Variants in TMEM117 observed in about 807,000 individuals in gnomAD.
The protein encoded by TMEM117 is transmembrane protein 117.
A neutral mutation model predicts 52.4 loss-of-function variants in TMEM117; 27 were observed. The observed-to-expected ratio is 0.51, with a 90% CI of 0.38 to 0.71. The LOEUF (loss-of-function observed/expected upper bound fraction) is 0.71, where lower values mean the gene tolerates loss of function less well. Among genes scored for constraint, TMEM117 ranks in the 30% least tolerant of loss-of-function variants. The probability of loss-of-function intolerance (pLI) is 0.00; values close to 1 mark genes in which losing one functional copy is unlikely to be tolerated. For missense variants in TMEM117, 556 were observed against 630.5 expected, an observed-to-expected ratio of 0.88 and a Z score of 1.26; for synonymous variants, 215 against 206.3, an observed-to-expected ratio of 1.04 and a Z score of -0.36.
intron 3 of TMEM117, among the ~76,000 whole-genome samples, chr12:43,957,972 C>G (rs905268248): frequency 6.6e-6 from 1 of 152,158 alleles, no homozygotes; most frequent in Non-Finnish European, 1.5e-5. Flanking sequence ...CTGATTGTCT[C>G]ATTAATGAAT....
intron 3 of TMEM117, among the ~76,000 whole-genome samples, chr12:44,025,205 TATA>T (rs1473281545): frequency 1.3e-5 from 2 of 152,118 alleles, no homozygotes; most frequent in Non-Finnish European, 2.9e-5. Flanking sequence ...CTCCATCTTG[TATA>T]ATAATAATAA....
rs147968148 is a variant in TMEM117, at chr12:44,311,565, GGAAA to G, written c.768+11833_768+11836del. 2.3e-3 allele frequency among the ~76,000 whole-genome samples: 346 copies of G among 151,718 alleles called. 1 individual carries two copies. The highest frequency in any genetic ancestry group is 7.8e-3 in the African/African-American group (324 of 41,338). ...AGAAGGTTGAGAAGACTTGTTATGG[GGAAA>G]GAAAGAGGGAGGACGTAGAGATGAC... On this transcript the variant is annotated intron_variant, in intron 6 of 7. Transcript: ENST00000266534.
intron 4 of TMEM117, among the ~76,000 whole-genome samples, chr12:44,199,811 T>C (rs1426968486): frequency 6.6e-6 from 1 of 152,140 alleles, no homozygotes; most frequent in East Asian, 1.9e-4. Context: ...ATCTACCTAC[T>C]AAATGCTGTT....
chr12:44,019,984 A>G (rs941589347), intron 3 of TMEM117, among the ~76,000 whole-genome samples: 3 of 152,200 alleles, frequency 2.0e-5, no homozygotes, highest in Non-Finnish European at 4.4e-5. Context: ...CACTCAGCAA[A>G]TAGACATTCT....
At chr12:44,397,615 TA>T in the TMEM117 span, among the ~76,000 whole-genome samples, 1 of 152,258 alleles carries the variant, frequency 6.6e-6, no homozygotes, top group Non-Finnish European at 1.5e-5. Flanking sequence ...GAAGCTTATT[TA>T]CATGTTGAAA....
intron 6 of TMEM117, among the ~76,000 whole-genome samples, chr12:44,314,484 G>C (rs181491807): frequency 1.4e-4 from 22 of 151,832 alleles, no homozygotes; most frequent in Non-Finnish European, 2.6e-4. Context: ...TATGCTGCTG[G>C]ATTTCATTTG....
chr12:44,212,266 T>C (rs1220652468), intron 5 of TMEM117, among the ~76,000 whole-genome samples: 1 of 152,180 alleles, frequency 6.6e-6, no homozygotes, highest in East Asian at 1.9e-4. Flanking sequence ...CAATCGTCTC[T>C]TTGTCTAGCG....
intron 2 of TMEM117, among the ~76,000 whole-genome samples, chr12:43,939,709 T>C (rs1266612898): frequency 6.6e-6 from 1 of 152,214 alleles, no homozygotes; most frequent in Non-Finnish European, 1.5e-5. Flanking sequence ...ACTGGCACCA[T>C]TCCCCTGGGA....
At chr12:43,980,531 T>C (rs1464198717) in intron 3 of TMEM117, among the ~76,000 whole-genome samples, 1 of 152,220 alleles carries the variant, frequency 6.6e-6, no homozygotes, top group Non-Finnish European at 1.5e-5. Flanking sequence ...CTTGAGCTGA[T>C]AACTGTTGTC....
intron 3 of TMEM117, among the ~76,000 whole-genome samples, chr12:43,973,270 G>T (rs1047359678): frequency 6.6e-6 from 1 of 152,146 alleles, no homozygotes; most frequent in Non-Finnish European, 1.5e-5. Flanking sequence ...TGTGCTTTAA[G>T]AGTGGCAAGA....
chr12:43,852,239 G>A (rs984296394), intron 2 of TMEM117, among the ~76,000 whole-genome samples: 8 of 152,146 alleles, frequency 5.3e-5, no homozygotes, highest in Non-Finnish European at 1.0e-4. Context: ...AGACCATCCT[G>A]GCTAACACGG....
intron 3 of TMEM117, among the ~76,000 whole-genome samples, chr12:44,014,335 G>A (rs1225785377): frequency 1.3e-5 from 2 of 152,092 alleles, no homozygotes; most frequent in Non-Finnish European, 2.9e-5. Context: ...AGGATGAGGG[G>A]GATAAGATGA....
At chr12:44,078,647 G>A (rs530900685) in intron 3 of TMEM117, among the ~76,000 whole-genome samples, 1 of 151,864 alleles carries the variant, frequency 6.6e-6, no homozygotes, top group African/African-American at 2.4e-5. Context: ...TTCTATTTGA[G>A]ATGCCTTACA....
intron 3 of TMEM117, among the ~76,000 whole-genome samples, chr12:44,108,059 A>T (rs1260871679): frequency 6.6e-6 from 1 of 152,254 alleles, no homozygotes; most frequent in East Asian, 1.9e-4. Flanking sequence ...AATGAGTAAG[A>T]TCTTCTCAAC....
At chr12:44,251,968 G>C (rs1044211067) in intron 5 of TMEM117, among the ~76,000 whole-genome samples, 12 of 151,592 alleles carry the variant, frequency 7.9e-5, no homozygotes, top group African/African-American at 2.7e-4. Flanking sequence ...ACTTACAGGC[G>C]AAAAAAGAAA....
intron 5 of TMEM117, among the ~76,000 whole-genome samples, chr12:44,268,307 T>G (rs924950219): frequency 6.6e-5 from 10 of 151,914 alleles, no homozygotes; most frequent in Non-Finnish European, 1.5e-4. Context: ...CTGGCTAATT[T>G]TTTTTTTTAT....
intron 3 of TMEM117, among the ~76,000 whole-genome samples, chr12:43,998,968 A>G (rs1329914922): frequency 1.3e-5 from 2 of 152,252 alleles, no homozygotes; most frequent in Non-Finnish European, 2.9e-5. Flanking sequence ...CATCAAGGAA[A>G]TACAGATTAT....
chr12:43,900,476 T>C (rs1944285224), intron 2 of TMEM117, among the ~76,000 whole-genome samples: 1 of 152,102 alleles, frequency 6.6e-6, no homozygotes, highest in Admixed American at 6.6e-5. Context: ...TCCCAGCATT[T>C]TGGGAGGCCG....
At chr12:43,967,679 G>T (rs886683234) in intron 3 of TMEM117, among the ~76,000 whole-genome samples, 7 of 152,154 alleles carry the variant, frequency 4.6e-5, no homozygotes, top group African/African-American at 1.4e-4. Context: ...CCGATGTGGT[G>T]ATTATAGCCT....
Sources: gnomAD v4.1 joint callset for allele counts (sites outside exome capture counted in the v4.1 genomes callset) on GRCh38, gnomAD v4.1.1 for gene constraint, MANE v1.5 for transcripts, NCBI Gene and HGNC (gene_info 2026-07-23, HGNC 2026-07-21) for gene names.